C1orf21: variants seen among roughly 807,000 people sequenced by gnomAD.
C1orf21 encodes uncharacterized protein C1orf21.
In C1orf21, 3 loss-of-function variants were observed where a neutral mutation model predicts 18.7. The ratio of observed to expected loss-of-function variants is 0.16; its 90% CI spans 0.07 to 0.42. C1orf21 has a LOEUF of 0.42. Ranked by LOEUF, C1orf21 falls within the 10% of genes least tolerant of loss-of-function variation. The pLI is 0.99. For synonymous variants in C1orf21, 41 were observed against 46.4 expected (o/e 0.88, Z 0.47); for missense variants, 104 against 143.6 (o/e 0.72, Z 1.41).
intron 1 of C1orf21, among the ~76,000 whole-genome samples, chr1:184,460,227 G>A (rs13374072): frequency 6.6e-6 from 1 of 152,166 alleles, no homozygotes. Flanking sequence ...ACAGCAAGAG[G>A]TAGGAGGAAA....
intron 1 of C1orf21, among the ~76,000 whole-genome samples, chr1:184,406,692 A>G (rs567265529): frequency 6.6e-6 from 1 of 152,326 alleles, no homozygotes; most frequent in South Asian, 2.1e-4. Flanking sequence ...CTGCATGTGT[A>G]TCTAAGGGTA....
intron 3 of C1orf21, among the ~76,000 whole-genome samples, chr1:184,581,429 C>CAAA (rs35666369): frequency 3.4e-4 from 44 of 129,692 alleles, no homozygotes; most frequent in Middle Eastern, 4.2e-3. Context: ...GACCCTGTCT[C>CAAA]AAAAAAAAAA....
rs1360379840 is a variant in C1orf21, at chr1:184,626,674, AG to A, written c.*7122del. The A allele has an allele frequency of 1.3e-5, 2 of 152,452 alleles. No individual in the cohort carries two copies. Among genetic ancestry groups the A allele is most frequent in the Non-Finnish European group, 2.9e-5 (2 of 68,284 alleles). 9.4% of individuals were successfully genotyped at this position (152,452 alleles called of 1,614,324 possible). On this transcript the variant is annotated 3_prime_UTR_variant, in exon 6 of 6. Transcript: ENST00000235307. ...GTTTCCCTGCTCACTGCGGCAGTGC[AG>A]GGGTGCTTGCTGAGATGATTCATCC... is the stretch of plus-strand genomic sequence containing the variant.
At chr1:184,503,645 C>G (rs1658009827) in intron 2 of C1orf21, among the ~76,000 whole-genome samples, 1 of 152,140 alleles carries the variant, frequency 6.6e-6, no homozygotes, top group South Asian at 2.1e-4. Context: ...GACGCCTTCA[C>G]TCTTCTCTGC....
At chr1:184,467,835 T>C (rs1034195653) in intron 1 of C1orf21, among the ~76,000 whole-genome samples, 7 of 152,210 alleles carry the variant, frequency 4.6e-5, no homozygotes, top group Non-Finnish European at 1.0e-4. Flanking sequence ...TCAAAATTCA[T>C]GAGGTCATAT....
chr1:184,544,272 A>G (rs1658697473), intron 3 of C1orf21, among the ~76,000 whole-genome samples: 1 of 152,228 alleles, frequency 6.6e-6, no homozygotes, highest in African/African-American at 2.4e-5. Context: ...AATGAAAGGC[A>G]GTGGTTTAGA....
chr1:184,560,669 T>C (rs1658951882), intron 3 of C1orf21, among the ~76,000 whole-genome samples: 1 of 152,114 alleles, frequency 6.6e-6, no homozygotes, highest in African/African-American at 2.4e-5. Context: ...CTCCCAGCCA[T>C]TGACCACAAA....
chr1:184,429,147 G>A (rs1262004379), intron 1 of C1orf21, among the ~76,000 whole-genome samples: 2 of 152,200 alleles, frequency 1.3e-5, no homozygotes. Flanking sequence ...ATTCAACAGC[G>A]ATTTGGTCCT....
intron 4 of C1orf21, among the ~76,000 whole-genome samples, chr1:184,595,672 C>T (rs534350251): frequency 2.6e-5 from 4 of 152,290 alleles, no homozygotes; most frequent in South Asian, 2.1e-4. Flanking sequence ...ATATCTGAGA[C>T]GATGCACAGG....
Position 184,624,121 on chromosome 1 carries a change from G to T in C1orf21, c.*4565G>T, listed in dbSNP as rs956550830. The T allele has an allele frequency of 7.9e-5, 12 of 152,618 alleles. No homozygotes were observed. Among genetic ancestry groups the T allele is most frequent in the Non-Finnish European group, 1.5e-5 (1 of 68,030 alleles). 9.5% of individuals were successfully genotyped at this position (152,618 alleles called of 1,614,324 possible). A position where few individuals can be genotyped will look rare whatever the true frequency, so the allele number is the denominator to read the frequency against. ...AAATGCCCATGTTGAAAGAAGGAAA[G>T]ATGTCATTCAAGTATTTTTCAAATT... On this transcript the variant is annotated 3_prime_UTR_variant, in exon 6 of 6. Coordinates refer to ENST00000235307, the MANE Select transcript of C1orf21 (RefSeq NM_030806.4).
rs1553247966 is a variant in C1orf21 at position 184,410,617 on chromosome 1, T to TTTTATA, written c.-125+23250_-125+23251insTTATAT. ...GTGAAAGATTAATTTGCCATATATA[T>TTTTATA]TATATATATATATATATATATATAT... On this transcript the variant is annotated intron_variant, in intron 1 of 5. Coordinates refer to ENST00000235307, the MANE Select transcript of C1orf21 (RefSeq NM_030806.4). Among the ~76,000 whole-genome samples the TTTTATA allele has an allele frequency of 1.0e-3, 22 of 21,162 alleles. 1 individual carries two copies. Among genetic ancestry groups the TTTTATA allele is most frequent in the Non-Finnish European group, 1.4e-3 (20 of 14,556 alleles). 13.9% of individuals were successfully genotyped at this position (21,162 alleles called of 152,430 possible).
chr1:184,414,007 A>G (rs556747700), intron 1 of C1orf21, among the ~76,000 whole-genome samples: 54 of 152,328 alleles, frequency 3.5e-4, no homozygotes, highest in African/African-American at 1.1e-3. Flanking sequence ...ATTTACAATA[A>G]CATAATATTT....
chr1:184,440,655 A>C (rs1341626024), intron 1 of C1orf21, among the ~76,000 whole-genome samples: 1 of 152,224 alleles, frequency 6.6e-6, no homozygotes, highest in Non-Finnish European at 1.5e-5. Context: ...AAGTTGAACA[A>C]AAATATTCTA....
rs2102015229 is a variant in C1orf21 at position 184,622,103 on chromosome 1, C to A, written c.*2547C>A. ...CAAAAATATTTTGCCTTTTTTTCCC[C>A]ACGTGTATCTGAACATTAAGCAGAT... On this transcript the variant is annotated 3_prime_UTR_variant, in exon 6 of 6. Transcript: ENST00000235307. The A allele has an allele frequency of 6.6e-6, 1 of 151,972 alleles. No homozygotes were observed. Among genetic ancestry groups the A allele is most frequent in the South Asian group, 2.1e-4 (1 of 4,820 alleles). The allele number at this position is 151,972 out of a possible 1,614,324, so 9.4% of individuals were successfully genotyped here.
At chr1:184,516,490 C>G (rs1658230533) in intron 3 of C1orf21, among the ~76,000 whole-genome samples, 1 of 152,178 alleles carries the variant, frequency 6.6e-6, no homozygotes, top group Non-Finnish European at 1.5e-5. Context: ...CTGACAAAGA[C>G]ATACCCAATA....
At chr1:184,434,091 C>T (rs1656816819) in intron 1 of C1orf21, among the ~76,000 whole-genome samples, 1 of 152,140 alleles carries the variant, frequency 6.6e-6, no homozygotes, top group Non-Finnish European at 1.5e-5. Flanking sequence ...GACTCTGGAC[C>T]CGTCCTTCAC....
chr1:184,400,338 TG>T (rs1656128948), intron 1 of C1orf21, among the ~76,000 whole-genome samples: 1 of 152,136 alleles, frequency 6.6e-6, no homozygotes, highest in South Asian at 2.1e-4. Context: ...GCCTTTTCAG[TG>T]GACAGAGTTC....
At chr1:184,507,529 A>G in intron 2 of C1orf21, 59 bp from the exon 3 acceptor site, 2 of 1,407,438 alleles carry the variant, frequency 1.4e-6, no homozygotes, top group South Asian at 1.3e-5. Flanking sequence ...TTTCTGACTG[A>G]CACTTTTCTA....
At chr1:184,513,691 A>G (rs1168682382) in intron 3 of C1orf21, among the ~76,000 whole-genome samples, 2 of 152,250 alleles carry the variant, frequency 1.3e-5, no homozygotes, top group Non-Finnish European at 2.9e-5. Context: ...ACTGGTTCAT[A>G]CTGGTTGAAT....
Sources: allele counts gnomAD v4.1 joint callset (sites outside exome capture counted in the v4.1 genomes callset), GRCh38; gene constraint gnomAD v4.1.1; transcripts MANE v1.5; gene names NCBI Gene and HGNC (gene_info 2026-07-23, HGNC 2026-07-21).